The following NTN1 variants were observed in gnomAD, a reference collection of about 807,000 sequenced individuals.
The protein encoded by NTN1 is netrin 1.
NTN1 carries 11 observed loss-of-function variants against 54.2 expected under a neutral mutation model. The ratio of observed to expected loss-of-function variants is 0.20; its 90% CI spans 0.13 to 0.34. The LOEUF (loss-of-function observed/expected upper bound fraction) is 0.34, where lower values mean the gene tolerates loss of function less well. NTN1 is among the 10% of genes least tolerant of loss of function. The pLI, the probability that NTN1 is intolerant of heterozygous loss-of-function variation, is 1.00. For missense variants in NTN1, 740 were observed against 893.1 expected (o/e 0.83, Z 2.18); for synonymous variants, 371 against 382.0 (o/e 0.97, Z 0.33).
chr17:9,190,759 C>T (rs1291864079), intron 5 of NTN1, among the ~76,000 whole-genome samples: 4 of 151,490 alleles, frequency 2.6e-5, no homozygotes, highest in Non-Finnish European at 4.4e-5. Context: ...GGCTGAGGCA[C>T]GAGAATCACT....
chr17:9,110,598 G>A (rs140421799), intron 2 of NTN1, among the ~76,000 whole-genome samples: 150 of 152,198 alleles, frequency 9.9e-4, no homozygotes, highest in African/African-American at 3.5e-3. Flanking sequence ...CTATCTAGGT[G>A]TGCTAGCTTC....
intron 2 of NTN1, among the ~76,000 whole-genome samples, chr17:9,063,769 C>T (rs1039197595): frequency 1.3e-5 from 2 of 151,630 alleles, no homozygotes; most frequent in African/African-American, 4.8e-5. Flanking sequence ...AGGATGGTCT[C>T]GATCTCCTGA....
At chr17:9,180,791 C>T (rs1191178568) in intron 4 of NTN1, among the ~76,000 whole-genome samples, 1 of 152,126 alleles carries the variant, frequency 6.6e-6, no homozygotes, top group Non-Finnish European at 1.5e-5. Context: ...TCGCTAATAG[C>T]AAATGACCAG....
intron 2 of NTN1, among the ~76,000 whole-genome samples, chr17:9,063,053 A>T (rs2092003794): frequency 6.6e-6 from 1 of 151,474 alleles, no homozygotes; most frequent in African/African-American, 2.4e-5. Flanking sequence ...AAAGGGAAAG[A>T]CTATTTTTTA....
At chr17:9,162,218 A>G (rs1299005763) in intron 2 of NTN1, among the ~76,000 whole-genome samples, 1 of 152,116 alleles carries the variant, frequency 6.6e-6, no homozygotes, top group Non-Finnish European at 1.5e-5. Flanking sequence ...GGAGAAGGGG[A>G]GGCCAGGCTG....
chr17:9,116,497 C>T (rs1002780663), intron 2 of NTN1, among the ~76,000 whole-genome samples: 2 of 152,202 alleles, frequency 1.3e-5, no homozygotes, highest in Non-Finnish European at 2.9e-5. Context: ...CCCTCCTCTC[C>T]CTGCCCTCTT....
intron 3 of NTN1, chr17:9,172,647 A>T (rs967107075): frequency 6.6e-6 from 1 of 152,218 alleles, no homozygotes; most frequent in African/African-American, 2.4e-5. Flanking sequence ...TTGAATGGAA[A>T]CATCATCAAA....
chr17:9,009,471 G>A, the NTN1 span, among the ~76,000 whole-genome samples: 1 of 152,188 alleles, frequency 6.6e-6, no homozygotes, highest in South Asian at 2.1e-4. Context: ...AGGTGAGGGG[G>A]ACATTCCTTC....
chr17:9,142,221 G>A (rs1330530472), intron 2 of NTN1, among the ~76,000 whole-genome samples: 1 of 151,986 alleles, frequency 6.6e-6, no homozygotes, highest in African/African-American at 2.4e-5. Flanking sequence ...CCTGGGAGGC[G>A]GAGGTTGCAG....
chr17:9,115,700 C>T (rs2092209415), intron 2 of NTN1, among the ~76,000 whole-genome samples: 1 of 152,244 alleles, frequency 6.6e-6, no homozygotes, highest in Non-Finnish European at 1.5e-5. Context: ...ACAAACGGCT[C>T]TGACATTTCC....
chr17:9,083,524 A>T (rs2092079366), intron 2 of NTN1, among the ~76,000 whole-genome samples: 1 of 152,256 alleles, frequency 6.6e-6, no homozygotes, highest in Admixed American at 6.5e-5. Flanking sequence ...GTTTGGTCTA[A>T]TGAAGCATGA....
intron 2 of NTN1, among the ~76,000 whole-genome samples, chr17:9,042,261 T>C (rs1431010309): frequency 1.3e-5 from 2 of 152,180 alleles, no homozygotes; most frequent in Non-Finnish European, 2.9e-5. Flanking sequence ...TCTTGGAATG[T>C]ATCTATTTGG....
At position 9,236,894 on chromosome 17, in the gene NTN1, G is replaced by C. The variant is rs117711873; in HGVS notation, c.1487-2746G>C. 3.6e-3 allele frequency among the ~76,000 whole-genome samples: 550 copies of C among 152,310 alleles called. 4 individuals are homozygous for C. Among genetic ancestry groups the C allele is most frequent in the Non-Finnish European group, 5.9e-3 (401 of 68,000 alleles). ...CTGATGGGGGAAAGCTCAGAGACCA[G>C]AGAGGGTTGGGCAGGGCTCACTGGC... On this transcript the variant is annotated intron_variant, in intron 6 of 6. Coordinates refer to ENST00000173229, the MANE Select transcript of NTN1 (RefSeq NM_004822.3).
At chr17:9,151,256 C>T (rs1265383464) in intron 2 of NTN1, among the ~76,000 whole-genome samples, 1 of 152,112 alleles carries the variant, frequency 6.6e-6, no homozygotes. Context: ...GAACTTGTTA[C>T]TGTAGTGTTT....
the NTN1 span, among the ~76,000 whole-genome samples, chr17:9,005,241 G>A: frequency 1.3e-5 from 2 of 152,114 alleles, no homozygotes; most frequent in South Asian, 2.1e-4. Context: ...TTGAAATCAC[G>A]CTTTCTAAGA....
chr17:9,079,248 C>T (rs898398475), intron 2 of NTN1, among the ~76,000 whole-genome samples: 10 of 152,180 alleles, frequency 6.6e-5, no homozygotes, highest in East Asian at 1.9e-4. Context: ...GGTCACCATT[C>T]TTGCGGGGTA....
chr17:9,029,869 G>A (rs1185801437), intron 2 of NTN1, among the ~76,000 whole-genome samples: 1 of 152,054 alleles, frequency 6.6e-6, no homozygotes, highest in African/African-American at 2.4e-5. Context: ...GCGTGTGCCT[G>A]TAATCCCAGC....
chr17:9,083,786 A>G (rs141191634), intron 2 of NTN1, among the ~76,000 whole-genome samples: 367 of 152,258 alleles, frequency 2.4e-3, no homozygotes, highest in Middle Eastern at 6.8e-3. Context: ...ACCCGGTTCT[A>G]CCTCCGGACC....
rs1905138795 is a variant in NTN1, at chr17:9,212,769, A to C, written c.1412-8399A>C. On this transcript the variant is annotated intron_variant, in intron 5 of 6. Transcript: ENST00000173229. This position sits in a 1 kb window ranked among gnomAD's most constrained non-coding sequence, Gnocchi z 5.5. ...CCTGCCCCACCTTCCCAAGCCCGAC[A>C]GCCCAGAAGCAGAGCGGCAGAGGTG... Among the ~76,000 whole-genome samples the C allele has an allele frequency of 6.6e-6, 1 of 152,214 alleles. No homozygotes were observed. Among genetic ancestry groups the C allele is most frequent in the African/African-American group, 2.4e-5 (1 of 41,454 alleles).
Sources: gnomAD v4.1 joint callset for allele counts (sites outside exome capture counted in the v4.1 genomes callset) on GRCh38, gnomAD v4.1.1 for gene constraint, Gnocchi (gnomAD v3.1) non-coding constraint, MANE v1.5 for transcripts, NCBI Gene and HGNC (gene_info 2026-07-23, HGNC 2026-07-21) for gene names.